LARS1: variants seen among roughly 807,000 people sequenced by gnomAD.
The protein encoded by LARS1 is leucine--tRNA ligase, cytoplasmic.
LARS1 carries 100 observed loss-of-function variants against 162.8 expected under a neutral mutation model. The ratio of observed to expected loss-of-function variants is 0.61; its 90% CI spans 0.52 to 0.73. LARS1 has a LOEUF of 0.73. Among genes scored for constraint, LARS1 ranks in the 30% least tolerant of loss-of-function variants. The probability of loss-of-function intolerance (pLI) is 0.00; values close to 1 mark genes in which losing one functional copy is unlikely to be tolerated. For synonymous variants in LARS1, 457 were observed against 462.8 expected, an observed-to-expected ratio of 0.99 and a Z score of 0.16; for missense variants, 1,258 against 1,408.9, an observed-to-expected ratio of 0.89 and a Z score of 1.71.
At chr5:146,121,086 A>T (rs1751800615) in intron 30 of LARS1, among the ~76,000 whole-genome samples, 1 of 152,138 alleles carries the variant, frequency 6.6e-6, no homozygotes, top group Non-Finnish European at 1.5e-5. Flanking sequence ...GTTTGAAATA[A>T]ATATATTTGT....
At chr5:146,118,443 C>T (rs1751668980) in intron 31 of LARS1, among the ~76,000 whole-genome samples, 1 of 152,068 alleles carries the variant, frequency 6.6e-6, no homozygotes, top group African/African-American at 2.4e-5. Flanking sequence ...TTATACTGTT[C>T]CATTACACAG....
intron 4 of LARS1, 122 bp from the exon 5 acceptor site, chr5:146,168,387 G>A (rs1211511132): frequency 6.1e-6 from 6 of 982,716 alleles, no homozygotes; most frequent in Non-Finnish European, 7.3e-6. Flanking sequence ...TGATACCTAT[G>A]TGGCTCCACT....
intron 5 of LARS1, 82 bp from the exon 6 acceptor site, chr5:146,164,553 AT>A: frequency 2.3e-6 from 3 of 1,292,318 alleles, no homozygotes; most frequent in South Asian, 1.2e-5. Flanking sequence ...AATGAATGTA[AT>A]TTTTTTACAT....
At chr5:146,159,307 C>T (rs1174995910) in intron 8 of LARS1, 100 bp downstream of exon 8, 1 of 843,854 alleles carries the variant, frequency 1.2e-6, no homozygotes, top group African/African-American at 1.7e-5. Context: ...GACTACATCC[C>T]TCAGCACTAC....
intron 24 of LARS1, chr5:146,130,748 G>C: frequency 3.5e-6 from 1 of 286,248 alleles, no homozygotes; most frequent in Non-Finnish European, 6.4e-6. Flanking sequence ...TTCCTGGAAA[G>C]TATAGCTGAA....
chr5:146,127,315 G>A (rs1014862734), intron 27 of LARS1, among the ~76,000 whole-genome samples: 1 of 151,746 alleles, frequency 6.6e-6, no homozygotes, highest in Non-Finnish European at 1.5e-5. Context: ...TGAAACACAC[G>A]AAAAAGAAAA....
intron 31 of LARS1, among the ~76,000 whole-genome samples, chr5:146,115,411 GA>G (rs1320713799): frequency 6.6e-6 from 1 of 151,908 alleles, no homozygotes; most frequent in Admixed American, 6.6e-5. Context: ...CTCAAAAGAT[GA>G]AAGTATTTGT....
At chr5:146,143,678 TA>T (rs1752888038) in intron 18 of LARS1, 128 bp from the exon 19 acceptor site, 1 of 842,276 alleles carries the variant, frequency 1.2e-6, no homozygotes, top group African/African-American at 1.7e-5. Flanking sequence ...TATTCTTGAA[TA>T]ATTAATAAAA....
intron 22 of LARS1, among the ~76,000 whole-genome samples, chr5:146,134,235 T>TTCTA (rs1752413818): frequency 6.6e-6 from 1 of 152,222 alleles, no homozygotes; most frequent in Admixed American, 6.5e-5. Context: ...ATAGGGCTCA[T>TTCTA]TCTAGCATTT....
chr5:146,143,088 T>G lies in LARS1; in HGVS notation c.1878-4A>C. On this transcript the variant is annotated splice_polypyrimidine_tract_variant and splice_region_variant and intron_variant, in intron 19 of 31. Transcript: ENST00000394434. ...TTCCTTGGTCATCTGTTGCGGTCTG[T>G]ATTAAAAATAAAACAAACTATTTTA... is the stretch of plus-strand genomic sequence containing the variant. 1 of 1,571,894 alleles carries G rather than the reference T, an allele frequency of 6.4e-7. No homozygotes were observed. The highest frequency in any genetic ancestry group is 1.2e-5 in the South Asian group (1 of 85,942).
intron 21 of LARS1, chr5:146,139,040 G>GGAA (rs1491181151): frequency 9.7e-6 from 2 of 205,230 alleles, no homozygotes; most frequent in Non-Finnish European, 1.8e-5. Context: ...GTGGATTTGT[G>GGAA]AAAAAAAAAA....
At chr5:146,137,191 C>G (rs1296401783) in intron 21 of LARS1, among the ~76,000 whole-genome samples, 3 of 152,252 alleles carry the variant, frequency 2.0e-5, no homozygotes, top group Admixed American at 1.3e-4. Flanking sequence ...AGTCACCGCG[C>G]CCAGTCCCCT....
rs1754715789 is a variant in LARS1, at chr5:146,178,996, C to A, written c.7-1331G>T. ...CCTGTAATCCCAGCACTTTGAGAGG[C>A]CGAGGCAGGTGGATCACCTGAGGCT... is the stretch of plus-strand genomic sequence containing the variant. On this transcript the variant is annotated intron_variant, in intron 1 of 31. Transcript: ENST00000394434. Among the ~76,000 whole-genome samples, 3 of 152,094 alleles carry A rather than the reference C, an allele frequency of 2.0e-5. No homozygotes were observed. In the South Asian group the frequency reaches 6.2e-4, roughly 32 times the overall value.
chr5:146,160,901 G>C (rs1753751171), intron 6 of LARS1, among the ~76,000 whole-genome samples: 2 of 152,084 alleles, frequency 1.3e-5, no homozygotes, highest in Non-Finnish European at 2.9e-5. Flanking sequence ...TTAGGTTCTA[G>C]TCTAACAATA....
In LARS1 at chr5:146,143,329, T is replaced by C. The variant is rs991453162; in HGVS notation, c.1877+83A>G. 1.0e-5 allele frequency: 15 copies of C among 1,490,640 alleles called. No homozygotes were observed. The African/African-American group carries it at 1.7e-4, about 17-fold the overall frequency. The allele number at this position is 1,490,640 out of a possible 1,614,324, so 92.3% of individuals were successfully genotyped here. A position where few individuals can be genotyped will look rare whatever the true frequency, so the allele number is the denominator to read the frequency against. The stretch of plus-strand genomic sequence containing the variant: ...ATGACAAAATTCTGTGAAATAAATC[T>C]TATTAAAACATTTAAATACATAAAT... On this transcript the variant is annotated intron_variant, in intron 19 of 31. Coordinates refer to ENST00000394434, the MANE Select transcript of LARS1 (RefSeq NM_020117.11).
In LARS1 at chr5:146,157,531, A is replaced by G; in HGVS notation, c.937T>C (p.Tyr313His). ...CCATTCACCGTCTCAAATCCAATGTACTTCATATCAGGACGAACCCAACAA... is the reference window on the plus strand; with the variant it reads ...CCATTCACCGTCTCAAATCCAATGTGCTTCATATCAGGACGAACCCAACAA... The part of the protein sequence containing the change: ...TNCWVRPDMK[Y>H]IGFETVNGDI... The change falls in exon 10 of 32, where the codon TAC (tyrosine) becomes CAC (histidine). Residue 313 changes from tyrosine to histidine, a missense_variant. Coordinates refer to ENST00000394434, the MANE Select transcript of LARS1 (RefSeq NM_020117.11). The G allele has an allele frequency of 6.2e-7, 1 of 1,614,150 alleles. No individual in the cohort carries two copies. Among genetic ancestry groups the G allele is most frequent in the Non-Finnish European group, 8.5e-7 (1 of 1,180,030 alleles).
chr5:146,154,448 A>G (rs1191427658), intron 10 of LARS1, among the ~76,000 whole-genome samples: 1 of 152,230 alleles, frequency 6.6e-6, no homozygotes, highest in East Asian at 1.9e-4. Flanking sequence ...ATTTCAAAAC[A>G]TATTGCGTAC....
chr5:146,117,683 T>C (rs1305955581), intron 31 of LARS1, among the ~76,000 whole-genome samples: 2 of 152,254 alleles, frequency 1.3e-5, no homozygotes, highest in Non-Finnish European at 2.9e-5. Flanking sequence ...GCCACTATCA[T>C]GCTCTTTCTG....
intron 25 of LARS1, among the ~76,000 whole-genome samples, chr5:146,129,633 T>C (rs982465074): frequency 1.4e-4 from 22 of 152,192 alleles, no homozygotes; most frequent in African/African-American, 2.7e-4. Context: ...TTTATATTCA[T>C]AGTAAGAATG....
Sources: gnomAD v4.1 joint callset for allele counts (sites outside exome capture counted in the v4.1 genomes callset) on GRCh38, gnomAD v4.1.1 for gene constraint, MANE v1.5 for transcripts, NCBI Gene and HGNC (gene_info 2026-07-23, HGNC 2026-07-21) for gene names.